The following LHX6 variants were observed in gnomAD, a reference collection of about 807,000 sequenced individuals.
LHX6 encodes the protein LIM/homeobox protein Lhx6.
In LHX6, 15 loss-of-function variants were observed where a neutral mutation model predicts 47.1. That is an observed-to-expected ratio of 0.32 (90% CI 0.21 to 0.49). The LOEUF (loss-of-function observed/expected upper bound fraction) is 0.49, where lower values mean the gene tolerates loss of function less well. LHX6 is among the 20% of genes least tolerant of loss of function. LHX6 has a pLI of 0.99. For missense variants in LHX6, 404 were observed against 539.6 expected (o/e 0.75, Z 2.49); for synonymous variants, 242 against 233.5 (o/e 1.04, Z -0.33).
chr9:122,213,732 G>T lies in LHX6; in HGVS notation c.928C>A (p.His310Asn). 6.2e-7 allele frequency: 1 copy of T among 1,610,064 alleles called. No individual in the cohort carries two copies. The highest frequency in any genetic ancestry group is 8.5e-7 in the Non-Finnish European group (1 of 1,178,510). The stretch of plus-strand genomic sequence containing the variant: ...GGCGCCCCCGAGGGCGGCACTGGGT[G>T]TTGCGGCGTGTGCTTTTTATGACGC... ...RARHKKHTPQ[H>N]PVPPSGAPPS... Residue 310 changes from histidine to asparagine, a missense_variant, in exon 8 of 10, where the codon CAC becomes AAC. By Grantham distance (68) the His-to-Asn change is moderately conservative (BLOSUM62 1). Coordinates refer to ENST00000394319, the MANE Select transcript of LHX6 (RefSeq NM_014368.5). This position sits in a 1 kb window ranked among gnomAD's most constrained non-coding sequence, Gnocchi z 5.5.
rs1340918720 is a variant in LHX6, at chr9:122,217,712, G to C, written c.462-424C>G. On this transcript the variant is annotated intron_variant, in intron 4 of 9. Transcript: ENST00000394319. The surrounding 1 kb of genome is among the most constrained non-coding windows in gnomAD (Gnocchi z 4.9). ...GGTGAGGAAAATGGGGACTAGAGAG[G>C]TAAAGTAACTTGCAGGAGGTCACAC... Among the ~76,000 whole-genome samples the C allele has an allele frequency of 6.6e-6, 1 of 152,150 alleles. No individual in the cohort carries two copies. The highest frequency in any genetic ancestry group is 1.5e-5 in the Non-Finnish European group (1 of 68,024).
chr9:122,227,949 T>TCCGGGCGGGCCCCCCCCC, intron 1 of LHX6: 1 of 176,980 alleles, frequency 5.7e-6, no homozygotes, highest in Non-Finnish European at 1.2e-5. Context: ...TTTTTCTCTC[T>TCCGGGCGGGCCCCCCCCC]CCACCCGCCC....
Position 122,221,573 on chromosome 9 carries a change from C to G in LHX6, c.462-4285G>C, listed in dbSNP as rs913738793. The G allele has an allele frequency of 8.1e-6, 8 of 985,614 alleles. No individual in the cohort carries two copies. In the African/African-American group the frequency reaches 1.4e-4, roughly 17 times the overall value. 61.1% of individuals were successfully genotyped at this position (985,614 alleles called of 1,614,324 possible). A position where few individuals can be genotyped will look rare whatever the true frequency, so the allele number is the denominator to read the frequency against. ...CAGGGCACTCACTGAACCCCCACCC[C>G]CATAAACACGAGGGGAAGCAGTTAA... is the stretch of plus-strand genomic sequence containing the variant. On this transcript the variant is annotated intron_variant, in intron 4 of 9. Transcript: ENST00000394319.
At chr9:122,208,554 G>A (rs979091743) in intron 9 of LHX6, among the ~76,000 whole-genome samples, 3 of 152,164 alleles carry the variant, frequency 2.0e-5, no homozygotes, top group Non-Finnish European at 4.4e-5. Context: ...AGGTTCGGCC[G>A]GGCACGGTGG....
chr9:122,220,579 A>C (rs1830807235), intron 4 of LHX6, among the ~76,000 whole-genome samples: 1 of 152,244 alleles, frequency 6.6e-6, no homozygotes, highest in Non-Finnish European at 1.5e-5. Context: ...ACAGATGTGC[A>C]GGAACTGCCA....
Position 122,213,479 on chromosome 9 carries a change from T to C in LHX6, c.1054+127A>G. The C allele has an allele frequency of 4.9e-6, 4 of 810,158 alleles. No homozygotes were observed. The highest frequency in any genetic ancestry group is 7.5e-6 in the Non-Finnish European group (4 of 533,230). 50.2% of individuals were successfully genotyped at this position (810,158 alleles called of 1,614,324 possible). A position where few individuals can be genotyped will look rare whatever the true frequency, so the allele number is the denominator to read the frequency against. ...ACTCCTAGATCCAAATGACTTCGGGTCCCGCTTCTTCACCCACGAGGCTCC... is the reference window on the plus strand; with the variant it reads ...ACTCCTAGATCCAAATGACTTCGGGCCCCGCTTCTTCACCCACGAGGCTCC... On this transcript the variant is annotated intron_variant, in intron 8 of 9. Coordinates refer to ENST00000394319, the MANE Select transcript of LHX6 (RefSeq NM_014368.5). This position sits in a 1 kb window ranked among gnomAD's most constrained non-coding sequence, Gnocchi z 5.5.
chr9:122,228,601 C>A, intron 1 of LHX6, 56 bp downstream of exon 1: 2 of 1,324,548 alleles, frequency 1.5e-6, no homozygotes, highest in South Asian at 1.9e-5. Flanking sequence ...CCGGCTGGGT[C>A]CCGGACCCTG....
rs940614461 is a variant in LHX6, at chr9:122,221,110, C to T, written c.462-3822G>A. 9 of 985,310 alleles carry T rather than the reference C, an allele frequency of 9.1e-6. No individual in the cohort carries two copies. The African/African-American group carries it at 1.6e-4, about 17-fold the overall frequency. 61.0% of individuals were successfully genotyped at this position (985,310 alleles called of 1,614,324 possible). On this transcript the variant is annotated intron_variant, in intron 4 of 9. Coordinates refer to ENST00000394319, the MANE Select transcript of LHX6 (RefSeq NM_014368.5). Reference sequence around the variant, plus strand: ...GGTTCACTTATTTTAGGTTCAAGACCTTCTTGAAGGCTTTAGATCCTGTGA... The same window carrying T: ...GGTTCACTTATTTTAGGTTCAAGACTTTCTTGAAGGCTTTAGATCCTGTGA...
intron 9 of LHX6, among the ~76,000 whole-genome samples, chr9:122,208,304 T>C (rs935174816): frequency 7.9e-5 from 12 of 152,130 alleles, no homozygotes; most frequent in East Asian, 1.9e-4. Context: ...TTGCCTCTTC[T>C]GGGAAGTCTT....
chr9:122,226,280 G>A lies in LHX6; in HGVS notation c.461+96C>T, dbSNP rs1452990013. The A allele has an allele frequency of 2.1e-6, 3 of 1,457,232 alleles. No individual in the cohort carries two copies. The highest frequency in any genetic ancestry group is 2.8e-6 in the Non-Finnish European group (3 of 1,088,876). The allele number at this position is 1,457,232 out of a possible 1,614,324, so 90.3% of individuals were successfully genotyped here. The stretch of plus-strand genomic sequence containing the variant: ...GCCGGAAGTGCACTCGGGACGCCGG[G>A]GTTCTGGAGGAGAGACCACACGCCG... On this transcript the variant is annotated intron_variant, in intron 4 of 9. Transcript: ENST00000394319. The surrounding 1 kb of genome is among the most constrained non-coding windows in gnomAD (Gnocchi z 6.5).
chr9:122,222,645 C>A (rs537212020), intron 4 of LHX6, among the ~76,000 whole-genome samples: 8 of 152,238 alleles, frequency 5.3e-5, no homozygotes, highest in Non-Finnish European at 7.3e-5. Context: ...GACCCTCTCC[C>A]TGGTGAACTT....
chr9:122,227,094 A>C lies in LHX6; in HGVS notation c.157-64T>G. The stretch of plus-strand genomic sequence containing the variant: ...GCACCCAGAGTTGGGGCTGCCTTGG[A>C]GACAAATCTGGGGCCCCCGAGCACC... On this transcript the variant is annotated intron_variant, in intron 2 of 9. Coordinates refer to ENST00000394319, the MANE Select transcript of LHX6 (RefSeq NM_014368.5). 3 of 1,419,578 alleles carry C rather than the reference A, an allele frequency of 2.1e-6. No homozygotes were observed. In the South Asian group the frequency reaches 4.4e-5, roughly 21 times the overall value. 87.9% of individuals were successfully genotyped at this position (1,419,578 alleles called of 1,614,324 possible).
chr9:122,219,927 G>T (rs1445433889), intron 4 of LHX6, among the ~76,000 whole-genome samples: 1 of 152,238 alleles, frequency 6.6e-6, no homozygotes, highest in Admixed American at 6.5e-5. Context: ...TCTCCAGCGC[G>T]GGGCCAAGGG....
intron 1 of LHX6, chr9:122,228,115 CGCCCGCCT>C: frequency 1.7e-6 from 1 of 586,926 alleles, no homozygotes; most frequent in African/African-American, 1.9e-5. Context: ...CCCGCCCGCC[CGCCCGCCT>C]GACACGCGCG....
At chr9:122,225,466 G>A (rs534385162) in intron 4 of LHX6, among the ~76,000 whole-genome samples, 8 of 152,262 alleles carry the variant, frequency 5.3e-5, no homozygotes, top group Non-Finnish European at 1.0e-4. Flanking sequence ...GGCTAGAAGC[G>A]AGGCCCAGGC....
In LHX6 at chr9:122,214,085, G is replaced by A; in HGVS notation, c.784-16C>T. ...CCTGCATAACCTGCGGGGCGGGGAGGGCGGTGAGGCGCTCGCACGCAGAGA... is the reference window on the plus strand; with the variant it reads ...CCTGCATAACCTGCGGGGCGGGGAGAGCGGTGAGGCGCTCGCACGCAGAGA... On this transcript the variant is annotated splice_polypyrimidine_tract_variant and intron_variant, in intron 6 of 9. Transcript: ENST00000394319. This position sits in a 1 kb window ranked among gnomAD's most constrained non-coding sequence, Gnocchi z 4.6. The A allele has an allele frequency of 1.3e-6, 2 of 1,592,952 alleles. No homozygotes were observed. The highest frequency in any genetic ancestry group is 1.7e-6 in the Non-Finnish European group (2 of 1,175,158).
At chr9:122,205,346 G>T (rs909083551) in intron 9 of LHX6, among the ~76,000 whole-genome samples, 1 of 152,200 alleles carries the variant, frequency 6.6e-6, no homozygotes, top group Non-Finnish European at 1.5e-5. Context: ...CTTCACATGC[G>T]CTTAATCTTC....
In LHX6 at chr9:122,226,840, T is replaced by G. The variant is rs892479042; in HGVS notation, c.339+8A>C. The G allele has an allele frequency of 7.1e-6, 11 of 1,560,254 alleles. No individual in the cohort carries two copies. Among genetic ancestry groups the G allele is most frequent in the Non-Finnish European group, 9.5e-6 (11 of 1,152,550 alleles). On this transcript the variant is annotated splice_region_variant and intron_variant, in intron 3 of 9. Transcript: ENST00000394319. This position sits in a 1 kb window ranked among gnomAD's most constrained non-coding sequence, Gnocchi z 6.5. ...ACAACACGCACGCAACACCTACCCC[T>G]GTCTCACCTTGAGCAGATATCGGTC...
At position 122,226,501 on chromosome 9, in the gene LHX6, G is replaced by T; in HGVS notation, c.340-4C>A. The T allele has an allele frequency of 1.2e-5, 19 of 1,612,416 alleles. No individual in the cohort carries two copies. Among genetic ancestry groups the T allele is most frequent in the Non-Finnish European group, 1.6e-5 (19 of 1,179,642 alleles). On this transcript the variant is annotated splice_polypyrimidine_tract_variant and splice_region_variant and intron_variant, in intron 3 of 9. Transcript: ENST00000394319. The surrounding 1 kb of genome is among the most constrained non-coding windows in gnomAD (Gnocchi z 6.5). ...CGTGCCAGATGAGGTTGTTGACCTG[G>T]GGACGGGGCGGGGACGGAGGTCGGC...
Sources: allele counts gnomAD v4.1 joint callset (sites outside exome capture counted in the v4.1 genomes callset), GRCh38; gene constraint gnomAD v4.1.1; non-coding constraint Gnocchi (gnomAD v3.1); transcripts MANE v1.5; gene names NCBI Gene and HGNC (gene_info 2026-07-23, HGNC 2026-07-21).